Variants in TRPM3 observed in about 807,000 individuals in gnomAD.
TRPM3 encodes the protein long transient receptor potential channel 3.
TRPM3 carries 77 observed loss-of-function variants against 181.2 expected under a neutral mutation model. The ratio of observed to expected loss-of-function variants is 0.42; its 90% CI spans 0.35 to 0.51. The LOEUF (loss-of-function observed/expected upper bound fraction) is 0.51. Ranked by LOEUF, TRPM3 falls within the 20% of genes least tolerant of loss-of-function variation. The probability of loss-of-function intolerance (pLI) is 0.01; values close to 1 mark genes in which losing one functional copy is unlikely to be tolerated. For missense variants in TRPM3, 1,759 were observed against 2,196.7 expected, an observed-to-expected ratio of 0.80 and a Z score of 3.98; for synonymous variants, 745 against 796.4, an observed-to-expected ratio of 0.94 and a Z score of 1.09.
chr9:70,667,755 T>C (rs1488089608), intron 9 of TRPM3, among the ~76,000 whole-genome samples: 1 of 152,214 alleles, frequency 6.6e-6, no homozygotes, highest in Non-Finnish European at 1.5e-5. Context: ...ATCAGCTTAA[T>C]ATTCAGGTTT....
chr9:70,930,223 T>C (rs1321855618), intron 1 of TRPM3, among the ~76,000 whole-genome samples: 1 of 152,180 alleles, frequency 6.6e-6, no homozygotes, highest in Non-Finnish European at 1.5e-5. Context: ...TAGTCATATT[T>C]GTAAAGTGCC....
At chr9:70,833,102 C>A (rs1224907841) in intron 5 of TRPM3, among the ~76,000 whole-genome samples, 1 of 152,184 alleles carries the variant, frequency 6.6e-6, no homozygotes, top group East Asian at 1.9e-4. Context: ...GTCTGGACAG[C>A]CTGTGTTAAA....
chr9:70,570,268 T>C (rs979773150), intron 22 of TRPM3, among the ~76,000 whole-genome samples: 4 of 151,582 alleles, frequency 2.6e-5, no homozygotes, highest in South Asian at 4.2e-4. Context: ...ACTTGGTAGT[T>C]AGCATTATTA....
At chr9:70,894,904 T>C (rs2096261446) in intron 1 of TRPM3, among the ~76,000 whole-genome samples, 1 of 152,098 alleles carries the variant, frequency 6.6e-6, no homozygotes. Context: ...ACTGCTAAGA[T>C]TGTGAATAGA....
intron 6 of TRPM3, among the ~76,000 whole-genome samples, chr9:70,790,882 A>T (rs956175084): frequency 5.3e-5 from 8 of 152,228 alleles, no homozygotes; most frequent in Non-Finnish European, 7.3e-5. Context: ...ATTATTGTAC[A>T]GACAGAGAAT....
At chr9:70,692,483 C>T (rs2068888907) in intron 8 of TRPM3, among the ~76,000 whole-genome samples, 1 of 152,188 alleles carries the variant, frequency 6.6e-6, no homozygotes, top group Non-Finnish European at 1.5e-5. Flanking sequence ...TTGTGTTGTC[C>T]TTGAACCAGA....
chr9:71,418,845 T>C (rs927621159), intron 1 of TRPM3, among the ~76,000 whole-genome samples: 15 of 145,386 alleles, frequency 1.0e-4, no homozygotes, highest in Non-Finnish European at 1.7e-4. Context: ...AGATACTATA[T>C]AGTATCCTTT....
At chr9:71,065,057 T>C (rs191181704) in intron 1 of TRPM3, among the ~76,000 whole-genome samples, 87 of 152,276 alleles carry the variant, frequency 5.7e-4, no homozygotes, top group Non-Finnish European at 1.1e-3. Context: ...TAACACACTT[T>C]ATTGTAGCTA....
At chr9:70,815,126 T>G (rs1415640441) in intron 6 of TRPM3, among the ~76,000 whole-genome samples, 1 of 152,052 alleles carries the variant, frequency 6.6e-6, no homozygotes, top group Admixed American at 6.6e-5. Flanking sequence ...TAAGAAAATA[T>G]AATATGATTA....
chr9:71,140,363 T>A (rs529380393), intron 1 of TRPM3, among the ~76,000 whole-genome samples: 14 of 152,246 alleles, frequency 9.2e-5, no homozygotes, highest in Non-Finnish European at 4.4e-5. Context: ...CTCCGGTGTT[T>A]TAAATTCCTA....
rs145831926 is a variant in TRPM3, at chr9:71,220,755, G to A, written c.183+225898C>T. On this transcript the variant is annotated intron_variant, in intron 1 of 24. Transcript: ENST00000357533. ...AGCAAATGAGAGAATATGTGCACCT[G>A]ACAGATACAAAGTCTACACACGAAA... is the stretch of plus-strand genomic sequence containing the variant. Among the ~76,000 whole-genome samples, 253 of 152,134 alleles carry A rather than the reference G, an allele frequency of 1.7e-3. 1 individual carries two copies. The highest frequency in any genetic ancestry group is 6.0e-3 in the African/African-American group (247 of 41,500).
At chr9:70,893,044 A>G (rs73647175) in intron 1 of TRPM3, among the ~76,000 whole-genome samples, 2,480 of 152,302 alleles carry the variant, frequency 0.016, 68 homozygotes, top group African/African-American at 0.056. Context: ...TCTATCTACA[A>G]TATATTCTGA....
At chr9:71,239,636 C>T (rs2081551535) in intron 1 of TRPM3, among the ~76,000 whole-genome samples, 1 of 152,036 alleles carries the variant, frequency 6.6e-6, no homozygotes, top group African/African-American at 2.4e-5. Context: ...TTGCCTGTTT[C>T]ATGTGATGTA....
intron 22 of TRPM3, among the ~76,000 whole-genome samples, chr9:70,556,949 AT>A: frequency 6.6e-6 from 1 of 152,120 alleles, no homozygotes; most frequent in East Asian, 1.9e-4. Context: ...CATGATTGGT[AT>A]TTTTATTTCT....
chr9:71,055,010 T>C (rs1285386930), intron 1 of TRPM3, among the ~76,000 whole-genome samples: 1 of 152,140 alleles, frequency 6.6e-6, no homozygotes, highest in African/African-American at 2.4e-5. Context: ...ACTATGTTTG[T>C]AGTTTAAGCA....
At chr9:71,183,147 C>T (rs2077496284) in intron 1 of TRPM3, among the ~76,000 whole-genome samples, 1 of 151,212 alleles carries the variant, frequency 6.6e-6, no homozygotes, top group Non-Finnish European at 1.5e-5. Context: ...ATTCAACATC[C>T]ACCACTTAAG....
intron 1 of TRPM3, among the ~76,000 whole-genome samples, chr9:70,965,331 G>A (rs2097174648): frequency 6.6e-6 from 1 of 152,018 alleles, no homozygotes; most frequent in African/African-American, 2.4e-5. Flanking sequence ...TAAGTAATGT[G>A]CTAAGTTTAA....
chr9:70,625,120 A>G lies in TRPM3; in HGVS notation c.1809+71T>C. 2 of 1,547,848 alleles carry G rather than the reference A, an allele frequency of 1.3e-6. No homozygotes were observed. Among genetic ancestry groups the G allele is most frequent in the South Asian group, 2.4e-5 (2 of 83,224 alleles). ...TGATTTTAATTCCCCTTGGAGACAA[A>G]GAAGCCACAACCCAAATCCCATACA... On this transcript the variant is annotated intron_variant, in intron 14 of 25. Coordinates refer to ENST00000677713, the MANE Select transcript of TRPM3 (RefSeq NM_001366145.2). The surrounding 1 kb of genome is among the most constrained non-coding windows in gnomAD (Gnocchi z 4.8).
At chr9:70,806,056 G>T (rs1037584591) in intron 6 of TRPM3, among the ~76,000 whole-genome samples, 1 of 152,098 alleles carries the variant, frequency 6.6e-6, no homozygotes, top group Non-Finnish European at 1.5e-5. Flanking sequence ...ACCCTGCCTC[G>T]TTCCAGCAGG....
Sources: allele counts gnomAD v4.1 joint callset (sites outside exome capture counted in the v4.1 genomes callset), GRCh38; gene constraint gnomAD v4.1.1; non-coding constraint Gnocchi (gnomAD v3.1); transcripts MANE v1.5; gene names NCBI Gene and HGNC (gene_info 2026-07-23, HGNC 2026-07-21).